Variants in IFT43 observed in about 807,000 individuals in gnomAD.
The protein encoded by IFT43 is intraflagellar transport 43, also known as intraflagellar transport protein 43 homolog.
A neutral mutation model predicts 32.3 loss-of-function variants in IFT43; 33 were observed. That is an observed-to-expected ratio of 1.02 (90% CI 0.77 to 1.37). IFT43 has a LOEUF of 1.37. Ranked by LOEUF, IFT43 falls within the 40% of genes most tolerant of loss-of-function variation. IFT43 has a pLI of 0.00. For synonymous variants in IFT43, 93 were observed against 98.2 expected (o/e 0.95, Z 0.31); for missense variants, 274 against 265.9 (o/e 1.03, Z -0.21).
At chr14:76,001,174 G>T (rs532810211) in intron 2 of IFT43, among the ~76,000 whole-genome samples, 1 of 152,156 alleles carries the variant, frequency 6.6e-6, no homozygotes, top group African/African-American at 2.4e-5. Flanking sequence ...ACAACTGGAC[G>T]GGGATGGATC....
At chr14:76,029,601 A>G (rs896849932) in intron 3 of IFT43, among the ~76,000 whole-genome samples, 5 of 152,112 alleles carry the variant, frequency 3.3e-5, no homozygotes, top group African/African-American at 1.2e-4. Flanking sequence ...GAGATCTTAC[A>G]TTTAAGTCGT....
rs540278508 is a variant in IFT43 at position 75,985,809 on chromosome 14, A to G, written c.23A>G (p.Asp8Gly). 6.8e-6 allele frequency: 11 copies of G among 1,614,134 alleles called. No individual in the cohort carries two copies. The highest frequency in any genetic ancestry group is 1.3e-5 in the African/African-American group (1 of 75,020). The change falls in exon 1 of 9, where the codon GAC becomes GGC. Residue 8 changes from aspartate (D) to glycine (G), a missense_variant. Asp to Gly is a moderately conservative substitution (Grantham distance 94, BLOSUM62 -1). Transcript: ENST00000314067. The part of the protein sequence containing the change: MEDLLDL[D>G]EELRYSLATS... The stretch of plus-strand genomic sequence containing the variant: ...GAGATGGAGGATTTGCTCGACTTGG[A>G]CGAGGAGCTTCGCTACAGCTTGGCT...
intron 3 of IFT43, chr14:76,058,193 G>C: frequency 4.0e-6 from 1 of 248,140 alleles, no homozygotes; most frequent in Non-Finnish European, 7.8e-6. Context: ...CAGAAAAGCA[G>C]TTCCAAAGTC....
At chr14:75,986,446 C>CA (rs60299035) in intron 1 of IFT43, 90,530 of 148,820 alleles carry the variant, frequency 0.61, 26,366 homozygotes, top group Non-Finnish European at 0.67. Flanking sequence ...TGCCTGGGTT[C>CA]AAAAAAAAAA....
chr14:76,036,217 C>T (rs2036594497), intron 3 of IFT43, among the ~76,000 whole-genome samples: 1 of 151,982 alleles, frequency 6.6e-6, no homozygotes, highest in African/African-American at 2.4e-5. Flanking sequence ...ATCTGATATC[C>T]AGGTCATATT....
intron 3 of IFT43, among the ~76,000 whole-genome samples, chr14:76,049,925 C>T (rs1291032656): frequency 6.6e-6 from 1 of 152,188 alleles, no homozygotes; most frequent in East Asian, 1.9e-4. Context: ...AGAGTTGACA[C>T]CAGTAATACC....
At chr14:75,999,285 T>A (rs1329777515) in intron 2 of IFT43, among the ~76,000 whole-genome samples, 926 of 48,110 alleles carry the variant, frequency 0.019, 14 homozygotes, top group Non-Finnish European at 0.034. Flanking sequence ...ATATATATTT[T>A]TTTTTTTTTT....
chr14:75,997,830 T>A (rs1023492055), intron 2 of IFT43, among the ~76,000 whole-genome samples: 3 of 152,210 alleles, frequency 2.0e-5, no homozygotes, highest in Non-Finnish European at 4.4e-5. Flanking sequence ...AGTTGCCTCA[T>A]AACTGGTCCC....
intron 3 of IFT43, among the ~76,000 whole-genome samples, chr14:76,042,872 G>A (rs1046035724): frequency 1.3e-5 from 2 of 152,182 alleles, no homozygotes; most frequent in African/African-American, 2.4e-5. Context: ...AGCCCAGAGC[G>A]AGGCACTCCA....
At chr14:76,064,939 A>G (rs2037202654) in intron 5 of IFT43, among the ~76,000 whole-genome samples, 1 of 152,212 alleles carries the variant, frequency 6.6e-6, no homozygotes, top group Non-Finnish European at 1.5e-5. Flanking sequence ...CATCATGGAA[A>G]TACTAAATTT....
intron 2 of IFT43, among the ~76,000 whole-genome samples, chr14:76,021,446 AACT>A (rs1213325422): frequency 1.3e-5 from 2 of 152,230 alleles, no homozygotes; most frequent in South Asian, 2.1e-4. Context: ...ATGTACATAT[AACT>A]CATTAACACT....
chr14:75,986,979 C>T (rs759572661), intron 1 of IFT43, among the ~76,000 whole-genome samples: 2 of 152,062 alleles, frequency 1.3e-5, no homozygotes, highest in Non-Finnish European at 2.9e-5. Flanking sequence ...AAGTTCCTGC[C>T]CTCATGTGAT....
chr14:76,083,605 G>A lies in IFT43; in HGVS notation c.*28G>A, dbSNP rs768577780. The stretch of plus-strand genomic sequence containing the variant: ...CCGTCACCCATGCTCTAGACATGAA[G>A]AAATGCAATGAGCTTAAAGCTAAAG... On this transcript the variant is annotated 3_prime_UTR_variant, in exon 9 of 9. Transcript: ENST00000314067. 12 of 1,611,120 alleles carry A rather than the reference G, an allele frequency of 7.4e-6. No individual in the cohort carries two copies. The highest frequency in any genetic ancestry group is 1.3e-5 in the African/African-American group (1 of 75,012).
At chr14:76,014,859 G>A (rs2036153860) in intron 2 of IFT43, among the ~76,000 whole-genome samples, 1 of 152,048 alleles carries the variant, frequency 6.6e-6, no homozygotes, top group African/African-American at 2.4e-5. Context: ...TTGGACCCTG[G>A]ATGCAGCCTC....
At chr14:76,082,511 C>A in intron 6 of IFT43, 106 bp from the exon 7 acceptor site, 1 of 1,390,282 alleles carries the variant, frequency 7.2e-7, no homozygotes, top group Non-Finnish European at 1.0e-6. Flanking sequence ...TATTCCCATT[C>A]TGGTCATCCC....
intron 3 of IFT43, among the ~76,000 whole-genome samples, chr14:76,053,217 C>G (rs986810428): frequency 7.2e-5 from 11 of 152,064 alleles, no homozygotes; most frequent in Admixed American, 1.3e-4. Flanking sequence ...TGGTGCCTAA[C>G]AAACTCAGTA....
At chr14:75,996,421 C>T (rs1159161239) in intron 2 of IFT43, among the ~76,000 whole-genome samples, 2 of 152,136 alleles carry the variant, frequency 1.3e-5, no homozygotes, top group East Asian at 3.8e-4. Flanking sequence ...TAGAGCAGTG[C>T]CCAACACCTG....
At chr14:76,069,109 G>A (rs2140073997) in intron 5 of IFT43, among the ~76,000 whole-genome samples, 1 of 152,294 alleles carries the variant, frequency 6.6e-6, no homozygotes, top group East Asian at 1.9e-4. Context: ...AAGCACAGCA[G>A]CATCTGCTTC....
At chr14:76,044,592 T>G (rs1442347813) in intron 3 of IFT43, among the ~76,000 whole-genome samples, 1 of 152,080 alleles carries the variant, frequency 6.6e-6, no homozygotes, top group African/African-American at 2.4e-5. Flanking sequence ...GCCCATCTCC[T>G]CTCCTGAGGT....
Sources: allele counts gnomAD v4.1 joint callset (sites outside exome capture counted in the v4.1 genomes callset), GRCh38; gene constraint gnomAD v4.1.1; transcripts MANE v1.5; gene names NCBI Gene and HGNC (gene_info 2026-07-23, HGNC 2026-07-21).